The following CORIN variants were observed in gnomAD, a reference collection of about 807,000 sequenced individuals.
CORIN encodes the protein atrial natriuretic peptide-converting enzyme.
CORIN carries 117 observed loss-of-function variants against 125.3 expected under a neutral mutation model. The observed-to-expected ratio is 0.93, with a 90% CI of 0.80 to 1.09. The LOEUF is 1.09. CORIN is among the 50% of genes least tolerant of loss of function. The pLI, the probability that CORIN is intolerant of heterozygous loss-of-function variation, is 0.00. For synonymous variants in CORIN, 450 were observed against 466.4 expected, an observed-to-expected ratio of 0.96 and a Z score of 0.45; for missense variants, 1,253 against 1,306.7, an observed-to-expected ratio of 0.96 and a Z score of 0.63.
chr4:47,660,757 G>C (rs1057100828), intron 12 of CORIN, among the ~76,000 whole-genome samples: 3 of 152,172 alleles, frequency 2.0e-5, no homozygotes, highest in African/African-American at 7.2e-5. Context: ...CCACTAGGGA[G>C]AACAATTTAG....
chr4:47,716,984 C>T (rs1320556350), intron 5 of CORIN, among the ~76,000 whole-genome samples: 1 of 151,948 alleles, frequency 6.6e-6, no homozygotes, highest in East Asian at 1.9e-4. Flanking sequence ...ACTAATGTTA[C>T]AAACAAAATT....
At chr4:47,687,810 T>C (rs566298179) in intron 6 of CORIN, among the ~76,000 whole-genome samples, 56 of 152,320 alleles carry the variant, frequency 3.7e-4, no homozygotes, top group Middle Eastern at 3.4e-3. Context: ...CTGTCCACTG[T>C]TGCTCAGCTC....
At chr4:47,776,407 C>T (rs1404486227) in intron 3 of CORIN, among the ~76,000 whole-genome samples, 2 of 152,068 alleles carry the variant, frequency 1.3e-5, no homozygotes, top group Non-Finnish European at 2.9e-5. Context: ...GTGGTATGAG[C>T]CACCACACCC....
chr4:47,781,894 T>C (rs922524489), intron 3 of CORIN, among the ~76,000 whole-genome samples: 3 of 151,788 alleles, frequency 2.0e-5, no homozygotes, highest in Admixed American at 1.3e-4. Flanking sequence ...GCCGAGATCA[T>C]GCCACTGCAC....
At chr4:47,660,895 T>C (rs1021324160) in intron 12 of CORIN, among the ~76,000 whole-genome samples, 3 of 152,214 alleles carry the variant, frequency 2.0e-5, no homozygotes, top group African/African-American at 7.2e-5. Context: ...GTTGCAGCAC[T>C]ATTCACAATA....
chr4:47,695,267 T>C (rs1397272173), intron 5 of CORIN, among the ~76,000 whole-genome samples: 2 of 152,224 alleles, frequency 1.3e-5, no homozygotes, highest in Non-Finnish European at 2.9e-5. Context: ...GTTTATCTTA[T>C]TGTGAGATTG....
intron 19 of CORIN, among the ~76,000 whole-genome samples, chr4:47,620,442 A>C (rs766589565): frequency 3.3e-5 from 5 of 152,270 alleles, no homozygotes; most frequent in Non-Finnish European, 5.9e-5. Context: ...ATATTGCTCC[A>C]TGAGAAAAGC....
chr4:47,818,337 A>T (rs942628733), intron 1 of CORIN, among the ~76,000 whole-genome samples: 1 of 152,208 alleles, frequency 6.6e-6, no homozygotes, highest in African/African-American at 2.4e-5. Flanking sequence ...AGTTGCACCC[A>T]GGTCTAATAC....
intron 1 of CORIN, among the ~76,000 whole-genome samples, chr4:47,815,248 G>A (rs1732216298): frequency 6.6e-6 from 1 of 151,826 alleles, no homozygotes; most frequent in Non-Finnish European, 1.5e-5. Context: ...AGTGAAATTA[G>A]TAAAGCAAAA....
At chr4:47,800,569 C>G (rs1031059900) in intron 2 of CORIN, among the ~76,000 whole-genome samples, 3 of 152,150 alleles carry the variant, frequency 2.0e-5, no homozygotes, top group Non-Finnish European at 4.4e-5. Context: ...AAGACAACTA[C>G]TGAAGGGCGC....
At chr4:47,787,307 T>G (rs745408149) in intron 2 of CORIN, among the ~76,000 whole-genome samples, 6 of 152,180 alleles carry the variant, frequency 3.9e-5, no homozygotes, top group Non-Finnish European at 8.8e-5. Flanking sequence ...TTCCTTAGTT[T>G]CTTAATCTCA....
intron 5 of CORIN, among the ~76,000 whole-genome samples, chr4:47,726,354 G>T (rs1435091518): frequency 6.6e-6 from 1 of 152,032 alleles, no homozygotes; most frequent in South Asian, 2.1e-4. Context: ...GCCATACAAT[G>T]GAATACTAGT....
At chr4:47,691,182 T>C (rs958280780) in intron 6 of CORIN, among the ~76,000 whole-genome samples, 1 of 152,198 alleles carries the variant, frequency 6.6e-6, no homozygotes, top group Non-Finnish European at 1.5e-5. Flanking sequence ...GAGGAACATA[T>C]GATAAAAACC....
intron 5 of CORIN, among the ~76,000 whole-genome samples, chr4:47,722,459 T>C (rs1326739391): frequency 1.3e-5 from 2 of 152,224 alleles, no homozygotes; most frequent in African/African-American, 4.8e-5. Flanking sequence ...AAACCTGCTA[T>C]GGCACATGCT....
intron 5 of CORIN, among the ~76,000 whole-genome samples, chr4:47,736,753 C>G (rs1050067737): frequency 6.6e-6 from 1 of 152,192 alleles, no homozygotes; most frequent in Non-Finnish European, 1.5e-5. Context: ...TATGCCTTGT[C>G]CTTCATGGAA....
intron 19 of CORIN, among the ~76,000 whole-genome samples, chr4:47,612,291 C>T (rs1021727694): frequency 1.3e-5 from 2 of 152,140 alleles, no homozygotes; most frequent in African/African-American, 4.8e-5. Context: ...ATCCTGAGGG[C>T]CATTCGCCTC....
At chr4:47,684,937 A>C (rs1303209925) in intron 6 of CORIN, among the ~76,000 whole-genome samples, 1 of 152,184 alleles carries the variant, frequency 6.6e-6, no homozygotes, top group East Asian at 1.9e-4. Flanking sequence ...AAAAGAAAAA[A>C]AAATAAGCTA....
chr4:47,730,509 T>G (rs1465965287), intron 5 of CORIN, among the ~76,000 whole-genome samples: 1 of 147,168 alleles, frequency 6.8e-6, no homozygotes, highest in Non-Finnish European at 1.5e-5. Flanking sequence ...GCTTGCCCAC[T>G]TGGGCTTCAG....
chr4:47,803,834 C>G (rs188193151), intron 2 of CORIN, among the ~76,000 whole-genome samples: 149 of 152,144 alleles, frequency 9.8e-4, no homozygotes, highest in African/African-American at 3.4e-3. Flanking sequence ...CACAGGCAAC[C>G]AAAGCAAAAA....
Sources: gnomAD v4.1 joint callset for allele counts (sites outside exome capture counted in the v4.1 genomes callset) on GRCh38, gnomAD v4.1.1 for gene constraint, MANE v1.5 for transcripts, NCBI Gene and HGNC (gene_info 2026-07-23, HGNC 2026-07-21) for gene names.